CNTLN: variants seen among roughly 807,000 people sequenced by gnomAD.
CNTLN encodes centlein.
CNTLN carries 212 observed loss-of-function variants against 180.0 expected under a neutral mutation model. The ratio of observed to expected loss-of-function variants is 1.18; its 90% CI spans 1.05 to 1.32. The LOEUF is 1.32. Ranked by LOEUF, CNTLN falls within the 40% of genes most tolerant of loss-of-function variation. CNTLN has a pLI of 0.00. For synonymous variants in CNTLN, 722 were observed against 563.1 expected (o/e 1.28, Z -3.99); for missense variants, 2,095 against 1,610.9 (o/e 1.30, Z -5.14).
At chr9:17,413,550 A>G (rs573158554) in intron 16 of CNTLN, among the ~76,000 whole-genome samples, 1 of 152,284 alleles carries the variant, frequency 6.6e-6, no homozygotes, top group South Asian at 2.1e-4. Context: ...TGTAAAGAAC[A>G]CTCAAAACTT....
At chr9:17,498,239 A>G (rs747509259) in intron 25 of CNTLN, among the ~76,000 whole-genome samples, 7 of 152,152 alleles carry the variant, frequency 4.6e-5, no homozygotes, top group Non-Finnish European at 7.4e-5. Context: ...TGATGTAATA[A>G]GTTATTTTTA....
intron 2 of CNTLN, among the ~76,000 whole-genome samples, chr9:17,218,667 A>G (rs1279994383): frequency 6.6e-6 from 1 of 152,138 alleles, no homozygotes; most frequent in Non-Finnish European, 1.5e-5. Context: ...CTCTACTCAA[A>G]TGAAAGAAAA....
chr9:17,165,042 G>A (rs34586990), intron 2 of CNTLN, among the ~76,000 whole-genome samples: 22,291 of 151,364 alleles, frequency 0.15, 2,280 homozygotes, highest in Non-Finnish European at 0.23. Context: ...GTTTCACCAT[G>A]TTGGCCAGGC....
chr9:17,365,574 A>G (rs1346432060), intron 12 of CNTLN, among the ~76,000 whole-genome samples: 1 of 152,118 alleles, frequency 6.6e-6, no homozygotes, highest in African/African-American at 2.4e-5. Flanking sequence ...TTTTGCCTTT[A>G]TTTGGCATCT....
the CNTLN span, among the ~76,000 whole-genome samples, chr9:17,520,937 T>C: frequency 3.9e-3 from 587 of 152,296 alleles, 5 homozygotes; most frequent in African/African-American, 0.013. Flanking sequence ...TCGAAGCTGC[T>C]TCTTCTTCTG....
intron 2 of CNTLN, among the ~76,000 whole-genome samples, chr9:17,161,457 G>A (rs1819673107): frequency 6.6e-6 from 1 of 152,068 alleles, no homozygotes; most frequent in African/African-American, 2.4e-5. Context: ...ATCTCAGGAA[G>A]CAGGAGTAAT....
rs1193318607 is a variant in CNTLN, at chr9:17,139,640, A to G, written c.361-3648A>G. 3.4e-4 allele frequency among the ~76,000 whole-genome samples: 51 copies of G among 152,006 alleles called. 1 individual carries two copies. Among genetic ancestry groups the G allele is most frequent in the Admixed American group, 3.3e-3 (51 of 15,280 alleles). On this transcript the variant is annotated intron_variant, in intron 1 of 25. Coordinates refer to ENST00000380647, the MANE Select transcript of CNTLN (RefSeq NM_017738.4). ...GCGCCACTGCACTCCAGCCTGGGCA[A>G]CAGAGTGAGACTTTGTCTCAAAAAA...
intron 25 of CNTLN, among the ~76,000 whole-genome samples, chr9:17,495,481 T>G (rs1165261967): frequency 6.6e-6 from 1 of 152,158 alleles, no homozygotes; most frequent in African/African-American, 2.4e-5. Flanking sequence ...AATACAAAAT[T>G]ATTTATATCC....
chr9:17,227,259 T>C (rs1824530979), intron 3 of CNTLN, among the ~76,000 whole-genome samples: 1 of 151,868 alleles, frequency 6.6e-6, no homozygotes, highest in Non-Finnish European at 1.5e-5. Context: ...ATTCAAACTA[T>C]ATCAAGTACA....
At chr9:17,527,992 C>T in the CNTLN span, among the ~76,000 whole-genome samples, 3 of 151,808 alleles carry the variant, frequency 2.0e-5, no homozygotes, top group African/African-American at 7.3e-5. Flanking sequence ...ATTAATGAGT[C>T]CATACTGACA....
the CNTLN span, among the ~76,000 whole-genome samples, chr9:17,515,929 C>T: frequency 6.6e-6 from 1 of 152,190 alleles, no homozygotes; most frequent in African/African-American, 2.4e-5. Context: ...TTCCTTCAGC[C>T]TTCAAGGCCT....
chr9:17,464,768 G>A, intron 21 of CNTLN, 145 bp downstream of exon 21: 2 of 462,732 alleles, frequency 4.3e-6, no homozygotes, highest in Non-Finnish European at 7.4e-6. Context: ...TCTTTGCTCT[G>A]AAAGTACATT....
intron 12 of CNTLN, among the ~76,000 whole-genome samples, chr9:17,349,111 A>C (rs950620416): frequency 6.6e-6 from 1 of 152,030 alleles, no homozygotes; most frequent in Admixed American, 6.6e-5. Flanking sequence ...CACTTCTCTA[A>C]TGTTGTTCCA....
At chr9:17,248,862 A>G (rs894938956) in intron 5 of CNTLN, among the ~76,000 whole-genome samples, 4 of 151,874 alleles carry the variant, frequency 2.6e-5, no homozygotes, top group African/African-American at 9.7e-5. Context: ...AATATATCTA[A>G]TAATTCTTTT....
At chr9:17,181,885 C>T (rs1367096132) in intron 2 of CNTLN, among the ~76,000 whole-genome samples, 1 of 152,210 alleles carries the variant, frequency 6.6e-6, no homozygotes, top group Admixed American at 6.5e-5. Flanking sequence ...CCACTGTCAT[C>T]ACGGGAGGAA....
chr9:17,476,254 G>A (rs868603307), intron 23 of CNTLN, among the ~76,000 whole-genome samples: 5 of 151,998 alleles, frequency 3.3e-5, no homozygotes, highest in Non-Finnish European at 4.4e-5. Context: ...TGACTGTTCC[G>A]CCCAACTGTC....
At chr9:17,463,578 T>G (rs1486994084) in intron 20 of CNTLN, among the ~76,000 whole-genome samples, 1 of 151,656 alleles carries the variant, frequency 6.6e-6, no homozygotes, top group Non-Finnish European at 1.5e-5. Context: ...CTGATACATT[T>G]GAGATATATG....
In CNTLN at chr9:17,376,417, C is replaced by G. The variant is rs537371543; in HGVS notation, c.1987+9700C>G. Reference sequence around the variant, plus strand: ...AAAAATTTTTAATATTATCATATAACCATCTCTTTTTTTTCTTTTTCTTTT... The same window carrying G: ...AAAAATTTTTAATATTATCATATAAGCATCTCTTTTTTTTCTTTTTCTTTT... On this transcript the variant is annotated intron_variant, in intron 13 of 25. Transcript: ENST00000380647. Among the ~76,000 whole-genome samples, 38 of 151,722 alleles carry G rather than the reference C, an allele frequency of 2.5e-4. No individual in the cohort carries two copies. The East Asian group carries it at 6.6e-3, about 26-fold the overall frequency.
chr9:17,347,514 C>T (rs1025082347), intron 12 of CNTLN, among the ~76,000 whole-genome samples: 2 of 151,808 alleles, frequency 1.3e-5, no homozygotes, highest in African/African-American at 2.4e-5. Context: ...ACTAAAAATA[C>T]AAAGATTAGC....
Sources: gnomAD v4.1 joint callset for allele counts (sites outside exome capture counted in the v4.1 genomes callset) on GRCh38, gnomAD v4.1.1 for gene constraint, MANE v1.5 for transcripts, NCBI Gene and HGNC (gene_info 2026-07-23, HGNC 2026-07-21) for gene names.